The following PLEKHO1 variants were observed in gnomAD, a reference collection of about 807,000 sequenced individuals.
PLEKHO1 encodes the protein pleckstrin homology domain containing O1.
A neutral mutation model predicts 41.4 loss-of-function variants in PLEKHO1; 22 were observed. The observed-to-expected ratio is 0.53, with a 90% CI of 0.38 to 0.76. The LOEUF is 0.76. PLEKHO1 is among the 30% of genes least tolerant of loss of function. The pLI, the probability that PLEKHO1 is intolerant of heterozygous loss-of-function variation, is 0.00. For missense variants in PLEKHO1, 488 were observed against 518.3 expected (o/e 0.94, Z 0.57); for synonymous variants, 225 against 210.8 (o/e 1.07, Z -0.58).
Position 150,159,457 on chromosome 1 carries a change from G to A in PLEKHO1, c.1164G>A (p.Leu388=), listed in dbSNP as rs1660341978. Residue 388 remains leucine, a synonymous_variant, in exon 6 of 6, where the codon CTG becomes CTA. Transcript: ENST00000369124. ...GAGACCTGTACAGACAGATGGACCT[G>A]CAGACCCCGGACTCCCACCTCAGAC... The part of the protein sequence containing the change: ...ELRDLYRQMD[L]QTPDSHLRQT... 1 of 1,614,012 alleles carries A rather than the reference G, an allele frequency of 6.2e-7. No individual in the cohort carries two copies. The highest frequency in any genetic ancestry group is 2.2e-5 in the East Asian group (1 of 44,880).
At chr1:150,157,335 G>A (rs782047041) in intron 4 of PLEKHO1, 50 bp from the exon 5 acceptor site, 3 of 1,379,868 alleles carry the variant, frequency 2.2e-6, no homozygotes, top group South Asian at 2.3e-5. Context: ...TGCTGGGTTG[G>A]GACAGCGAGT....
chr1:150,157,510 T>C (rs1291482966), intron 5 of PLEKHO1, 24 bp downstream of exon 5: 1 of 1,495,010 alleles, frequency 6.7e-7, no homozygotes, highest in Non-Finnish European at 9.3e-7. Flanking sequence ...TAATAAACAT[T>C]GCCAAAGGGC....
chr1:150,158,806 C>T lies in PLEKHO1; in HGVS notation c.526-13C>T, dbSNP rs587714004. On this transcript the variant is annotated splice_polypyrimidine_tract_variant and intron_variant, in intron 5 of 5. Transcript: ENST00000369124. ...ATGACAGGTTCCCCACTCATTCCCC[C>T]CTTCCTCCACAGGCTTCCACCTCTA... The T allele has an allele frequency of 3.2e-6, 5 of 1,570,656 alleles. No homozygotes were observed. Among genetic ancestry groups the T allele is most frequent in the East Asian group, 2.3e-5 (1 of 44,242 alleles).
rs782177896 is a variant in PLEKHO1, at chr1:150,159,083, A to G, written c.790A>G (p.Thr264Ala). The change falls in exon 6 of 6, where the codon ACA becomes GCA. Residue 264 changes from threonine (T) to alanine (A), a missense_variant. Thr to Ala is a moderately conservative substitution (Grantham distance 58). Around this residue, in one of 3 missense-constraint regions of PLEKHO1, gnomAD observed 337 missense variants for 324.6 expected, o/e 1.04. Coordinates refer to ENST00000369124, the MANE Select transcript of PLEKHO1 (RefSeq NM_016274.6). ...TPQAPKKLTPTEKGRCASLEE... is the reference protein window; with the variant it reads ...TPQAPKKLTPAEKGRCASLEE... Reference sequence around the variant, plus strand: ...CCAGGCACCCAAGAAGTTGACGCCCACAGAGAAAGGCCGCTGCGCCTCCCT... The same window carrying G: ...CCAGGCACCCAAGAAGTTGACGCCCGCAGAGAAAGGCCGCTGCGCCTCCCT... 1 of 1,614,004 alleles carries G rather than the reference A, an allele frequency of 6.2e-7. No individual in the cohort carries two copies. The highest frequency in any genetic ancestry group is 1.1e-5 in the South Asian group (1 of 91,064).
intron 2 of PLEKHO1, among the ~76,000 whole-genome samples, chr1:150,151,735 A>G (rs1433615593): frequency 6.6e-6 from 1 of 150,748 alleles, no homozygotes; most frequent in East Asian, 2.0e-4. Context: ...GAACCCCTGT[A>G]TGTCTTTGGA....
In PLEKHO1 at chr1:150,158,830, T is replaced by G. The variant is rs781836929; in HGVS notation, c.537T>G (p.Ser179=). 3.7e-6 allele frequency: 6 copies of G among 1,603,232 alleles called. No homozygotes were observed. The highest frequency in any genetic ancestry group is 3.3e-4 in the Middle Eastern group (2 of 6,056). ...RGHLMAVAST[S]TSDGMLTLDL... ...CCCTTCCTCCACAGGCTTCCACCTC[T>G]ACCTCGGATGGGATGCTGACCTTGG... is the stretch of plus-strand genomic sequence containing the variant. Residue 179 remains serine, a synonymous_variant, in exon 6 of 6, where the codon TCT becomes TCG. Transcript: ENST00000369124.
At chr1:150,155,112 G>A (rs2101687923) in intron 2 of PLEKHO1, 1 of 152,404 alleles carries the variant, frequency 6.6e-6, no homozygotes, top group South Asian at 2.1e-4. Context: ...ACGTTCAGCA[G>A]GAGTGCTAAG....
intron 5 of PLEKHO1, 53 bp from the exon 6 acceptor site, chr1:150,158,766 C>T (rs587753597): frequency 6.9e-6 from 9 of 1,303,318 alleles, no homozygotes; most frequent in Admixed American, 6.4e-5. Context: ...GCAGTCATTC[C>T]GAAAATCCCT....
intron 2 of PLEKHO1, among the ~76,000 whole-genome samples, chr1:150,152,093 C>T (rs1365557982): frequency 1.3e-5 from 2 of 152,186 alleles, no homozygotes; most frequent in Non-Finnish European, 2.9e-5. Flanking sequence ...CTGCAGTAGA[C>T]ATCCTTATTC....
Position 150,157,473 on chromosome 1 carries a change from A to G in PLEKHO1, c.512A>G (p.His171Arg), listed in dbSNP as rs1553820686. 1 of 1,611,282 alleles carries G rather than the reference A, an allele frequency of 6.2e-7. No individual in the cohort carries two copies. Among genetic ancestry groups the G allele is most frequent in the Admixed American group, 1.7e-5 (1 of 60,008 alleles). ...QHSRRPPTRG[H>R]LMAVASTSTS... ...TCCCGCCGCCCCCCAACAAGGGGAC[A>G]CCTAATGGCTGTGGTATGTAAGACT... The change falls in exon 5 of 6, where the codon CAC (histidine) becomes CGC (arginine). Residue 171 changes from histidine (H) to arginine (R), a missense_variant. Transcript: ENST00000369124.
chr1:150,155,676 C>G (rs1660135871), intron 2 of PLEKHO1: 1 of 160,312 alleles, frequency 6.2e-6, no homozygotes, highest in Admixed American at 6.4e-5. Context: ...CCATACAGGT[C>G]TGTCTTACTG....
Position 150,151,027 on chromosome 1 carries a change from A to G in PLEKHO1, c.146A>G (p.Lys49Arg). 1 of 1,614,144 alleles carries G rather than the reference A, an allele frequency of 6.2e-7. No individual in the cohort carries two copies. Among genetic ancestry groups the G allele is most frequent in the Non-Finnish European group, 8.5e-7 (1 of 1,179,982 alleles). ...TGGAAAAACCGCTATGTGGTGCTGA[A>G]AGGGGACCAGCTCTACATCTCTGAG... ...EIWKNRYVVL[K>R]GDQLYISEKE... The change falls in exon 2 of 6, where the codon AAA (lysine) becomes AGA (arginine). Residue 49 changes from lysine to arginine, a missense_variant. Coordinates refer to ENST00000369124, the MANE Select transcript of PLEKHO1 (RefSeq NM_016274.6).
chr1:150,150,380 GC>G, intron 1 of PLEKHO1, 93 bp downstream of exon 1: 1 of 501,492 alleles, frequency 2.0e-6, no homozygotes, highest in Non-Finnish European at 2.6e-6. Context: ...GAGACCCACG[GC>G]CCGGCCGCGC....
chr1:150,150,966 C>A lies in PLEKHO1; in HGVS notation c.85C>A (p.Arg29=). 6.2e-7 allele frequency: 1 copy of A among 1,614,066 alleles called. No homozygotes were observed. The highest frequency in any genetic ancestry group is 8.5e-7 in the Non-Finnish European group (1 of 1,179,922). The stretch of plus-strand genomic sequence containing the variant: ...ACCGCCCGAGAAGGTCGGCTGGGTC[C>A]GGAAATTCTGCGGGAAAGGGATTTT... ...PAPPEKVGWV[R]KFCGKGIFRE... Residue 29 remains arginine (R), a synonymous_variant, in exon 2 of 6, where the codon CGG becomes AGG. Coordinates refer to ENST00000369124, the MANE Select transcript of PLEKHO1 (RefSeq NM_016274.6).
In PLEKHO1 at chr1:150,154,485, C is replaced by T. The variant is rs587634897; in HGVS notation, c.178-1581C>T. ...ATGGGGCCATGTTGACATCTGTCCT[C>T]ATCTGTCATCAGCCTCCAGGTCCAG... On this transcript the variant is annotated intron_variant, in intron 2 of 5. Coordinates refer to ENST00000369124, the MANE Select transcript of PLEKHO1 (RefSeq NM_016274.6). 4 of 152,440 alleles carry T rather than the reference C, an allele frequency of 2.6e-5. No homozygotes were observed. The East Asian group carries it at 5.8e-4, about 22-fold the overall frequency. 9.4% of individuals were successfully genotyped at this position (152,440 alleles called of 1,614,324 possible). A position where few individuals can be genotyped will look rare whatever the true frequency, so the allele number is the denominator to read the frequency against.
intron 2 of PLEKHO1, 200 bp from the exon 3 acceptor site, chr1:150,155,866 T>C: frequency 1.8e-6 from 1 of 556,914 alleles, no homozygotes; most frequent in Non-Finnish European, 3.2e-6. Context: ...AAACACACCT[T>C]AACATTCAAG....
rs1660360620 is a variant in PLEKHO1 at position 150,159,796 on chromosome 1, ACCACT to A, written c.*278_*282del. On this transcript the variant is annotated 3_prime_UTR_variant, in exon 6 of 6. Coordinates refer to ENST00000369124, the MANE Select transcript of PLEKHO1 (RefSeq NM_016274.6). ...GAAGGCACGGTAAAGACACAGTCTGACCACTCCACACACCGCCCGCCCCCAAGACG... is the reference window on the plus strand; with the variant it reads ...GAAGGCACGGTAAAGACACAGTCTGACCACACACCGCCCGCCCCCAAGACG... 2.9e-6 allele frequency: 1 copy of A among 341,752 alleles called. No individual in the cohort carries two copies. The allele number at this position is 341,752 out of a possible 1,614,324, so 21.2% of individuals were successfully genotyped here. A position where few individuals can be genotyped will look rare whatever the true frequency, so the allele number is the denominator to read the frequency against.
rs782284361 is a variant in PLEKHO1, at chr1:150,156,196, C to T, written c.308C>T (p.Pro103Leu). ...TTTACTCTTGCCCACTCCAAACAGC[C>T]CGGTAACACGGTATGTTTCTCCTGC... ...SKFTLAHSKQPGNTAPNLIFL... is the reference protein window; with the variant it reads ...SKFTLAHSKQLGNTAPNLIFL... The change falls in exon 3 of 6, where the codon CCC becomes CTC. Residue 103 changes from proline (P) to leucine (L), a missense_variant. Physicochemically the swap from Pro to Leu is moderately conservative, Grantham distance 98. This residue lies in a region of PLEKHO1 where 59 missense variants were observed against 111.5 expected (regional missense o/e 0.53). Transcript: ENST00000369124. The T allele has an allele frequency of 3.7e-6, 6 of 1,613,566 alleles. No individual in the cohort carries two copies. The highest frequency in any genetic ancestry group is 5.1e-6 in the Non-Finnish European group (6 of 1,179,780).
In PLEKHO1 at chr1:150,159,520, G is replaced by C. The variant is rs1233538964; in HGVS notation, c.1227G>C (p.Met409Ile). 2 of 1,588,412 alleles carry C rather than the reference G, an allele frequency of 1.3e-6. No homozygotes were observed. Among genetic ancestry groups the C allele is most frequent in the South Asian group, 2.2e-5 (2 of 89,406 alleles). Reference protein sequence around the residue: ...TPHSQYRKSLM With the variant: ...TPHSQYRKSLI ...ACAGTCAGTACCGGAAGAGCCTGAT[G>C]TGAGGGCAGGGTGGGGTCTGGAACT... Residue 409 changes from methionine (M) to isoleucine (I), a missense_variant, in exon 6 of 6, where the codon ATG (methionine) becomes ATC (isoleucine). Met to Ile is a conservative substitution (Grantham distance 10, BLOSUM62 1). Around this residue, in one of 3 missense-constraint regions of PLEKHO1, gnomAD observed 337 missense variants for 324.6 expected, o/e 1.04. Transcript: ENST00000369124.
Sources: gnomAD v4.1 joint callset for allele counts (sites outside exome capture counted in the v4.1 genomes callset) on GRCh38, gnomAD v4.1.1 for gene constraint, gnomAD v4.1.1 regional missense constraint, MANE v1.5 for transcripts, NCBI Gene and HGNC (gene_info 2026-07-23, HGNC 2026-07-21) for gene names.